Variants in FAM234A observed in about 807,000 individuals in gnomAD.
FAM234A encodes protein FAM234A.
FAM234A carries 42 observed loss-of-function variants against 49.1 expected under a neutral mutation model. That is an observed-to-expected ratio of 0.86 (90% CI 0.67 to 1.11). The LOEUF is 1.11. FAM234A is among the 50% of genes least tolerant of loss of function. The pLI is 0.00. For synonymous variants in FAM234A, 369 were observed against 316.2 expected, an observed-to-expected ratio of 1.17 and a Z score of -1.77; for missense variants, 815 against 745.2, an observed-to-expected ratio of 1.09 and a Z score of -1.09.
downstream of FAM234A, chr16:269,723 G>T: frequency 3.0e-6 from 2 of 677,212 alleles, no homozygotes; most frequent in East Asian, 2.7e-5. Context: ...GGAGGCAGCC[G>T]CCTCGGACCT....
At chr16:253,343 C>T (rs1488366522) in intron 2 of FAM234A, among the ~76,000 whole-genome samples, 1 of 152,044 alleles carries the variant, frequency 6.6e-6, no homozygotes, top group Admixed American at 6.6e-5. Flanking sequence ...CTGCGGACTT[C>T]TGTTTGAATA....
In FAM234A at chr16:264,585, G is replaced by A. The variant is rs191990547; in HGVS notation, c.1345-29G>A. The A allele has an allele frequency of 2.0e-4, 294 of 1,460,016 alleles. 1 individual carries two copies. The African/African-American group carries it at 3.3e-3, about 16-fold the overall frequency. The allele number at this position is 1,460,016 out of a possible 1,614,324, so 90.4% of individuals were successfully genotyped here. ...CCTGTGGGAGTGCTCAGTGAAGGGC[G>A]TGGGGCCCATTGCTGGTTCTCGCTC... is the stretch of plus-strand genomic sequence containing the variant. On this transcript the variant is annotated intron_variant, in intron 11 of 12. Transcript: ENST00000399932.
chr16:245,869 A>G lies in FAM234A; in HGVS notation c.-139-3680A>G, dbSNP rs193103130. On this transcript the variant is annotated intron_variant, in intron 1 of 12. Coordinates refer to ENST00000399932, the MANE Select transcript of FAM234A (RefSeq NM_032039.4). ...AGACTTTCCCTAACAATACATAAAC[A>G]TTCTCTTCTATTTTCTTTTAGTTTA... 1.0e-3 allele frequency among the ~76,000 whole-genome samples: 155 copies of G among 152,204 alleles called. 1 individual carries two copies. The highest frequency in any genetic ancestry group is 1.7e-3 in the Non-Finnish European group (119 of 68,026).
At chr16:260,375 C>T (rs879448672) in intron 5 of FAM234A, 2 of 599,480 alleles carry the variant, frequency 3.3e-6, no homozygotes, top group Non-Finnish European at 6.0e-6. Flanking sequence ...GTGTCTGTTA[C>T]CTCCCGTTAC....
chr16:258,198 G>A lies in FAM234A; in HGVS notation c.269-1285G>A, dbSNP rs765987778. On this transcript the variant is annotated intron_variant, in intron 3 of 12. Transcript: ENST00000399932. ...TATTGATCATTCTTGGGTGTTTCTC[G>A]CAGAGGGGGATTTGGCAGGGTCATA... is the stretch of plus-strand genomic sequence containing the variant. 5.4e-5 allele frequency among the ~76,000 whole-genome samples: 8 copies of A among 148,550 alleles called. No individual in the cohort carries two copies. The South Asian group carries it at 6.3e-4, about 12-fold the overall frequency.
At chr16:269,267 C>T (rs1336131342), downstream of FAM234A, 3 of 1,555,118 alleles carry the variant, frequency 1.9e-6, no homozygotes, top group Non-Finnish European at 2.6e-6. Context: ...GGGCCAGGTC[C>T]ACTAGGCCAC....
At chr16:261,218 G>A (rs1033789649) in intron 5 of FAM234A, 166 bp from the exon 6 acceptor site, 8 of 730,684 alleles carry the variant, frequency 1.1e-5, no homozygotes, top group African/African-American at 8.8e-5. Context: ...GAGCACAGGA[G>A]TGCCGCCCTC....
chr16:238,063 G>T (rs1197829623), intron 1 of FAM234A, among the ~76,000 whole-genome samples: 3 of 151,848 alleles, frequency 2.0e-5, no homozygotes, highest in African/African-American at 7.3e-5. Flanking sequence ...CTGTTGCCCA[G>T]GCTGGAGTGC....
At chr16:269,225 G>T, downstream of FAM234A, 2 of 1,358,242 alleles carry the variant, frequency 1.5e-6, no homozygotes, top group South Asian at 1.2e-5. Context: ...ATTCACGCAG[G>T]ACGTTGAGCT....
intron 1 of FAM234A, among the ~76,000 whole-genome samples, chr16:238,919 CAAA>C (rs1161101529): frequency 2.2e-5 from 2 of 91,680 alleles, no homozygotes; most frequent in Non-Finnish European, 2.3e-5. Context: ...CCCATCTCTA[CAAA>C]AAAAAAAAAA....
At chr16:260,588 TCTCCGAGCCCCAGCGGAGCCGGC>T (rs2051423426) in intron 5 of FAM234A, 1 of 475,476 alleles carries the variant, frequency 2.1e-6, no homozygotes, top group Admixed American at 2.3e-5. Context: ...AAGGTGCAGG[TCTCCGAGCCCCAGCGGAGCCGGC>T]CTCGTGGAAG....
Position 237,951 on chromosome 16 carries a change from G to T in FAM234A, c.-140+3094G>T, listed in dbSNP as rs113188686. Among the ~76,000 whole-genome samples the T allele has an allele frequency of 7.2e-3, 1,100 of 151,838 alleles. 15 individuals are homozygous for T. The highest frequency in any genetic ancestry group is 0.025 in the African/African-American group (1,052 of 41,356). On this transcript the variant is annotated intron_variant, in intron 1 of 12. Coordinates refer to ENST00000399932, the MANE Select transcript of FAM234A (RefSeq NM_032039.4). ...ACTCCTGGCCTCAGGTGATCCTCCC[G>T]CCTCGGCCTCCCAAAGTGCTAGGGT...
chr16:264,795 G>T lies in FAM234A; in HGVS notation c.1448-16G>T, dbSNP rs371181576. The T allele has an allele frequency of 1.2e-5, 19 of 1,607,486 alleles. No homozygotes were observed. The highest frequency in any genetic ancestry group is 1.6e-5 in the Non-Finnish European group (19 of 1,178,762). On this transcript the variant is annotated splice_polypyrimidine_tract_variant and intron_variant, in intron 12 of 12. Coordinates refer to ENST00000399932, the MANE Select transcript of FAM234A (RefSeq NM_032039.4). ...GGTCCTGAGCCGCCCTGACAGCTGT[G>T]TCCCCCACCCTGCAGCCGTCCTGTT...
At position 262,467 on chromosome 16, in the gene FAM234A, G is replaced by C; in HGVS notation, c.885G>C (p.Lys295Asn). The C allele has an allele frequency of 6.2e-7, 1 of 1,612,336 alleles. No individual in the cohort carries two copies. Among genetic ancestry groups the C allele is most frequent in the Non-Finnish European group, 8.5e-7 (1 of 1,179,150 alleles). ...CGCSVKGLYE[K>N]VTGSGGPFKS... is the part of the protein sequence containing the mutation. ...GCTCTGTGAAGGGTCTCTACGAGAA[G>C]GTGACCGGGAGCGGCGGCCCGTTCA... is the stretch of plus-strand genomic sequence containing the variant. Residue 295 changes from lysine to asparagine, a missense_variant, in exon 8 of 13, where the codon AAG becomes AAC. Physicochemically the swap from Lys to Asn is moderately conservative, Grantham distance 94. Coordinates refer to ENST00000399932, the MANE Select transcript of FAM234A (RefSeq NM_032039.4).
chr16:250,105 G>C (rs2050947752), intron 2 of FAM234A, among the ~76,000 whole-genome samples: 1 of 152,144 alleles, frequency 6.6e-6, no homozygotes, highest in Non-Finnish European at 1.5e-5. Flanking sequence ...CTAATTTTTT[G>C]TATTCTTAGT....
In FAM234A at chr16:235,440, A is replaced by G. The variant is rs143564038; in HGVS notation, c.-140+583A>G. Among the ~76,000 whole-genome samples, 41 of 152,228 alleles carry G rather than the reference A, an allele frequency of 2.7e-4. No homozygotes were observed. The East Asian group carries it at 7.7e-3, about 29-fold the overall frequency. On this transcript the variant is annotated intron_variant, in intron 1 of 12. Transcript: ENST00000399932. ...GCATAGAACACAAAACAGAGGCTAG[A>G]TGGGAGGAAAACACTGGGATTAGCG...
chr16:250,061 G>T (rs1297443802), intron 2 of FAM234A, among the ~76,000 whole-genome samples: 1 of 152,018 alleles, frequency 6.6e-6, no homozygotes, highest in South Asian at 2.1e-4. Flanking sequence ...TTCTCCTGCC[G>T]CAGCCTCCTA....
chr16:245,404 T>C (rs374519284), intron 1 of FAM234A, among the ~76,000 whole-genome samples: 239 of 152,296 alleles, frequency 1.6e-3, no homozygotes, highest in Middle Eastern at 6.8e-3. Flanking sequence ...GCTGTGTCTA[T>C]GAGTGAGACT....
At chr16:261,555 C>T (rs2051467960) in intron 6 of FAM234A, 41 bp downstream of exon 6, 2 of 1,539,576 alleles carry the variant, frequency 1.3e-6, no homozygotes, top group Non-Finnish European at 8.7e-7. Flanking sequence ...CACGAGGCCA[C>T]CTGCCACACG....
Sources: allele counts gnomAD v4.1 joint callset (sites outside exome capture counted in the v4.1 genomes callset), GRCh38; gene constraint gnomAD v4.1.1; transcripts MANE v1.5; gene names NCBI Gene and HGNC (gene_info 2026-07-23, HGNC 2026-07-21).